R3HDM2: variants seen among roughly 807,000 people sequenced by gnomAD.
R3HDM2 encodes R3H domain-containing protein 2.
R3HDM2 carries 38 observed loss-of-function variants against 124.5 expected under a neutral mutation model. The observed-to-expected ratio is 0.31, with a 90% CI of 0.24 to 0.40. The LOEUF (loss-of-function observed/expected upper bound fraction) is 0.40, where lower values mean the gene tolerates loss of function less well. R3HDM2 is among the 10% of genes least tolerant of loss of function. The pLI is 1.00. For missense variants in R3HDM2, 869 were observed against 1,236.9 expected, an observed-to-expected ratio of 0.70 and a Z score of 4.46; for synonymous variants, 391 against 448.0, an observed-to-expected ratio of 0.87 and a Z score of 1.61.
chr12:57,422,009 C>T (rs1216731860), intron 1 of R3HDM2, among the ~76,000 whole-genome samples: 2 of 149,160 alleles, frequency 1.3e-5, no homozygotes, highest in Non-Finnish European at 3.0e-5. Flanking sequence ...AGGAGAATCG[C>T]TTGAACCCGG....
At chr12:57,378,607 G>A (rs1167901507) in intron 2 of R3HDM2, among the ~76,000 whole-genome samples, 1 of 152,034 alleles carries the variant, frequency 6.6e-6, no homozygotes, top group African/African-American at 2.4e-5. Context: ...TCAAACTCCT[G>A]GACTCAAGAC....
Position 57,348,709 on chromosome 12 carries a change from A to AAAAAAAAAAAG in R3HDM2, c.-35-38247_-35-38246insCTTTTTTTTTT, listed in dbSNP as rs1566281244. On this transcript the variant is annotated intron_variant, in intron 2 of 23. Transcript: ENST00000402412. ...ACTCCGTCTCAAAAAAAAAAAAAAA[A>AAAAAAAAAAAG]AAAAAAAAAAAAGAGAGAGAAAAAT... Among the ~76,000 whole-genome samples, 40 of 46,634 alleles carry AAAAAAAAAAAG rather than the reference A, an allele frequency of 8.6e-4. 1 individual carries two copies. Among genetic ancestry groups the AAAAAAAAAAAG allele is most frequent in the African/African-American group, 1.8e-3 (37 of 20,496 alleles). 30.6% of individuals were successfully genotyped at this position (46,634 alleles called of 152,430 possible).
chr12:57,301,983 A>T (rs908157507), intron 4 of R3HDM2, among the ~76,000 whole-genome samples: 2 of 152,252 alleles, frequency 1.3e-5, no homozygotes, highest in Non-Finnish European at 2.9e-5. Context: ...CCCCCTAAAA[A>T]GTAAAGCATT....
intron 1 of R3HDM2, among the ~76,000 whole-genome samples, chr12:57,405,111 T>A (rs1465024081): frequency 2.0e-5 from 3 of 152,056 alleles, no homozygotes; most frequent in African/African-American, 7.2e-5. Context: ...CACTGTAACC[T>A]CAACCTCCTG....
intron 2 of R3HDM2, 26 bp downstream of exon 2, chr12:57,395,723 G>A (rs1333934758): frequency 1.1e-6 from 1 of 935,710 alleles, no homozygotes; most frequent in Non-Finnish European, 1.3e-6. Flanking sequence ...CACAGAAAGT[G>A]CTCCATAAAT....
chr12:57,256,371 A>T, intron 22 of R3HDM2, 43 bp downstream of exon 22: 2 of 1,440,762 alleles, frequency 1.4e-6, no homozygotes, highest in Non-Finnish European at 1.9e-6. Context: ...CCAAATAAGA[A>T]GAGGGGTCTG....
rs1336019072 is a variant in R3HDM2 at position 57,266,767 on chromosome 12, G to A, written c.2095C>T (p.Pro699Ser). Residue 699 changes from proline (P) to serine (S), a missense_variant, in exon 19 of 24, where the codon CCC (proline) becomes TCC (serine). Physicochemically the swap from Pro to Ser is moderately conservative, Grantham distance 74 (BLOSUM62 -1). Around this residue, in one of 2 missense-constraint regions of R3HDM2, gnomAD observed 602 missense variants for 789.2 expected, o/e 0.76. Coordinates refer to ENST00000402412, the MANE Select transcript of R3HDM2 (RefSeq NM_001394031.1). ...EQYQMPQSPS[P>S]CSPPQMPQQY... ...TGTGGCATCTGTGGTGGACTGCAGG[G>A]AGAGGGAGACTGAGGCATCTGGTAC... is the stretch of plus-strand genomic sequence containing the variant. The A allele has an allele frequency of 6.2e-7, 1 of 1,609,384 alleles. No homozygotes were observed. Among genetic ancestry groups the A allele is most frequent in the Admixed American group, 1.7e-5 (1 of 60,006 alleles).
At chr12:57,384,704 T>C (rs2065445153) in intron 2 of R3HDM2, among the ~76,000 whole-genome samples, 2 of 152,294 alleles carry the variant, frequency 1.3e-5, no homozygotes, top group South Asian at 4.1e-4. Context: ...TCTTACATAC[T>C]AATAAAGCTG....
chr12:57,383,033 A>G (rs1240987721), intron 2 of R3HDM2, among the ~76,000 whole-genome samples: 1 of 151,842 alleles, frequency 6.6e-6, no homozygotes, highest in Non-Finnish European at 1.5e-5. Context: ...ACAGGCATGC[A>G]CCACCAGGCC....
chr12:57,292,084 T>C (rs145256437), intron 11 of R3HDM2, among the ~76,000 whole-genome samples: 3 of 152,286 alleles, frequency 2.0e-5, no homozygotes, highest in Non-Finnish European at 4.4e-5. Context: ...GTGGAGCTCA[T>C]AGAGGATGGA....
chr12:57,277,429 C>G (rs1402390912), intron 14 of R3HDM2, among the ~76,000 whole-genome samples: 2 of 151,948 alleles, frequency 1.3e-5, no homozygotes, highest in African/African-American at 2.4e-5. Context: ...AGGTAACAAC[C>G]CTTCCTCAAA....
intron 2 of R3HDM2, among the ~76,000 whole-genome samples, chr12:57,374,103 G>A (rs964968415): frequency 6.6e-6 from 1 of 152,104 alleles, no homozygotes; most frequent in Non-Finnish European, 1.5e-5. Context: ...ACTCCAGCCT[G>A]GGTGCCAGAG....
intron 2 of R3HDM2, among the ~76,000 whole-genome samples, chr12:57,349,139 G>C (rs1593700406): frequency 6.6e-6 from 1 of 152,006 alleles, no homozygotes; most frequent in Admixed American, 6.6e-5. Context: ...CCACCACTTT[G>C]GGAGGCTGAG....
At chr12:57,380,217 T>A (rs2064657686) in intron 2 of R3HDM2, among the ~76,000 whole-genome samples, 1 of 152,190 alleles carries the variant, frequency 6.6e-6, no homozygotes, top group Non-Finnish European at 1.5e-5. Flanking sequence ...ATGAACTATA[T>A]CCTATACACC....
At chr12:57,362,675 C>T (rs1356628704) in intron 2 of R3HDM2, among the ~76,000 whole-genome samples, 1 of 152,204 alleles carries the variant, frequency 6.6e-6, no homozygotes, top group Non-Finnish European at 1.5e-5. Flanking sequence ...TGGGCAACTG[C>T]TGTCACTCAC....
At chr12:57,323,272 G>C (rs2056752542) in intron 2 of R3HDM2, among the ~76,000 whole-genome samples, 1 of 152,172 alleles carries the variant, frequency 6.6e-6, no homozygotes, top group Non-Finnish European at 1.5e-5. Flanking sequence ...GCCGTTTGGA[G>C]AAGGACAGGA....
intron 19 of R3HDM2, among the ~76,000 whole-genome samples, chr12:57,261,980 G>A (rs562777453): frequency 3.3e-5 from 5 of 152,130 alleles, no homozygotes; most frequent in Admixed American, 6.5e-5. Flanking sequence ...ACAGCAAACC[G>A]CATAAATACA....
rs1420524405 is a variant in R3HDM2 at position 57,254,631 on chromosome 12, T to C, written c.*142A>G. On this transcript the variant is annotated 3_prime_UTR_variant, in exon 24 of 24. Coordinates refer to ENST00000402412, the MANE Select transcript of R3HDM2 (RefSeq NM_001394031.1). ...TCCAATGCCAGTGTAGGTATCTGTG[T>C]TTCCATCTTCATCACTGTCTTAGGT... 1.4e-6 allele frequency: 1 copy of C among 730,172 alleles called. No individual in the cohort carries two copies. Among genetic ancestry groups the C allele is most frequent in the East Asian group, 2.8e-5 (1 of 35,266 alleles). 45.2% of individuals were successfully genotyped at this position (730,172 alleles called of 1,614,324 possible). A position where few individuals can be genotyped will look rare whatever the true frequency, so the allele number is the denominator to read the frequency against.
chr12:57,330,998 G>A (rs1039027888), intron 2 of R3HDM2, among the ~76,000 whole-genome samples: 4 of 151,908 alleles, frequency 2.6e-5, no homozygotes, highest in African/African-American at 7.2e-5. Flanking sequence ...GTGCCCGGCC[G>A]GAATCTTTAG....
Sources: allele counts gnomAD v4.1 joint callset (sites outside exome capture counted in the v4.1 genomes callset), GRCh38; gene constraint gnomAD v4.1.1; regional missense constraint gnomAD v4.1.1; transcripts MANE v1.5; gene names NCBI Gene and HGNC (gene_info 2026-07-23, HGNC 2026-07-21).